The following C16orf96 variants were observed in gnomAD, a reference collection of about 807,000 sequenced individuals.
C16orf96 encodes the protein chromosome 16 open reading frame 96.
A neutral mutation model predicts 103.6 loss-of-function variants in C16orf96; 108 were observed. The observed-to-expected ratio is 1.04, with a 90% CI of 0.89 to 1.22. The LOEUF (loss-of-function observed/expected upper bound fraction) is 1.22, where lower values mean the gene tolerates loss of function less well. C16orf96 is among the 50% of genes most tolerant of loss of function. C16orf96 has a pLI of 0.00. For synonymous variants in C16orf96, 566 were observed against 593.5 expected, an observed-to-expected ratio of 0.95 and a Z score of 0.67; for missense variants, 1,586 against 1,464.2, an observed-to-expected ratio of 1.08 and a Z score of -1.36.
rs2059478044 is a variant in C16orf96 at position 4,574,612 on chromosome 16, C to G, written c.526-97C>G. 1.3e-5 allele frequency: 12 copies of G among 942,598 alleles called. 1 individual carries two copies. In the South Asian group the frequency reaches 1.9e-4, roughly 15 times the overall value. 58.4% of individuals were successfully genotyped at this position (942,598 alleles called of 1,614,324 possible). On this transcript the variant is annotated intron_variant, in intron 2 of 15. Transcript: ENST00000444310. ...GGAAACACTGGATTTGGAACCCGTTCTTCCTTCTCAAGCTCTTAGTCACCT... is the reference window on the plus strand; with the variant it reads ...GGAAACACTGGATTTGGAACCCGTTGTTCCTTCTCAAGCTCTTAGTCACCT...
intron 2 of C16orf96, among the ~76,000 whole-genome samples, chr16:4,573,233 T>A (rs919080175): frequency 1.3e-5 from 2 of 150,942 alleles, no homozygotes; most frequent in Non-Finnish European, 3.0e-5. Flanking sequence ...AGGTCAGGAG[T>A]TCGAGACCAG....
chr16:4,554,219 T>C (rs920274348), upstream of C16orf96, among the ~76,000 whole-genome samples: 2 of 152,118 alleles, frequency 1.3e-5, no homozygotes, highest in Non-Finnish European at 2.9e-5. Flanking sequence ...GCTGAGACCC[T>C]GTTTGAGAGC....
At chr16:4,553,842 A>C (rs1215592507), upstream of C16orf96, among the ~76,000 whole-genome samples, 1 of 152,066 alleles carries the variant, frequency 6.6e-6, no homozygotes, top group Non-Finnish European at 1.5e-5. Context: ...GCCATGTTTT[A>C]TTTCCCCATT....
chr16:4,587,628 ACT>A (rs1896960236), intron 8 of C16orf96, among the ~76,000 whole-genome samples: 1 of 150,398 alleles, frequency 6.6e-6, no homozygotes, highest in Non-Finnish European at 1.5e-5. Context: ...GATTATTAAC[ACT>A]CTACTTGAAA....
At chr16:4,590,075 G>A (rs146805395) in intron 9 of C16orf96, among the ~76,000 whole-genome samples, 137 of 151,246 alleles carry the variant, frequency 9.1e-4, no homozygotes, top group African/African-American at 1.4e-3. Context: ...GTAGTAAGCC[G>A]AGATAGCGCC....
intron 7 of C16orf96, among the ~76,000 whole-genome samples, chr16:4,583,662 C>A (rs1179250225): frequency 6.6e-6 from 1 of 151,944 alleles, no homozygotes; most frequent in African/African-American, 2.4e-5. Flanking sequence ...GTGGCTCACA[C>A]TTGTAATTCC....
rs1408546086 is a variant in C16orf96, at chr16:4,576,494, C to T, written c.2014C>T (p.Gln672Ter). 3.7e-5 allele frequency: 58 copies of T among 1,551,386 alleles called. No homozygotes were observed. The highest frequency in any genetic ancestry group is 4.5e-5 in the Non-Finnish European group (52 of 1,147,024). Residue 672 changes from glutamine (Q) to a stop codon, truncating the protein, a stop_gained, in exon 5 of 16, where the codon CAG becomes TAG. Coordinates refer to ENST00000444310, the MANE Select transcript of C16orf96 (RefSeq NM_001145011.2). LOFTEE classifies it high-confidence loss of function. ...GTCCCAGGCCATGGTGGCTACCAAG[C>T]AGGCCATGAGCCCTGAAGACAAGAA... is the stretch of plus-strand genomic sequence containing the variant. Reference protein sequence around the residue: ...ALSQAMVATKQAMSPEDKKRA... With the variant: ...ALSQAMVATK
At chr16:4,569,247 T>C (rs1164573571) in intron 1 of C16orf96, among the ~76,000 whole-genome samples, 5 of 152,028 alleles carry the variant, frequency 3.3e-5, no homozygotes, top group Non-Finnish European at 7.4e-5. Context: ...GGATTACAGG[T>C]GTGAGCCACC....
chr16:4,549,514 G>A, the C16orf96 span, among the ~76,000 whole-genome samples: 2 of 151,186 alleles, frequency 1.3e-5, no homozygotes, highest in Non-Finnish European at 2.9e-5. Flanking sequence ...TACCAGCTGG[G>A]CACAGTGGCT....
At chr16:4,569,981 G>A (rs779248522) in intron 1 of C16orf96, among the ~76,000 whole-genome samples, 14 of 152,110 alleles carry the variant, frequency 9.2e-5, no homozygotes, top group Non-Finnish European at 1.5e-4. Flanking sequence ...AAGACATCAC[G>A]CTCAAAAGGA....
At chr16:4,555,865 T>C (rs2059258304), upstream of C16orf96, among the ~76,000 whole-genome samples, 2 of 151,522 alleles carry the variant, frequency 1.3e-5, no homozygotes, top group African/African-American at 4.9e-5. Context: ...TCCAGCTAAT[T>C]ACAAATTTTT....
At chr16:4,567,558 C>A (rs1375412683) in intron 1 of C16orf96, among the ~76,000 whole-genome samples, 1 of 151,826 alleles carries the variant, frequency 6.6e-6, no homozygotes, top group Non-Finnish European at 1.5e-5. Context: ...GCTGGGATTA[C>A]AGGTGTGAGC....
At position 4,600,494 on chromosome 16, in the gene C16orf96, C is replaced by CT. The variant is rs1555441340; in HGVS notation, c.*177_*178insT. On this transcript the variant is annotated 3_prime_UTR_variant, in exon 16 of 16. Transcript: ENST00000444310. ...TCCGAGGCTGAGGCTCATGCGCCCCCCCCCATCCCTACCAAGTCCCCTCCA... is the reference window on the plus strand; with the variant it reads ...TCCGAGGCTGAGGCTCATGCGCCCCCTCCCCATCCCTACCAAGTCCCCTCCA... 2.5e-5 allele frequency: 12 copies of CT among 479,410 alleles called. No individual in the cohort carries two copies. The East Asian group carries it at 4.6e-4, about 19-fold the overall frequency. 29.7% of individuals were successfully genotyped at this position (479,410 alleles called of 1,614,324 possible).
At chr16:4,548,240 A>T in the C16orf96 span, among the ~76,000 whole-genome samples, 5 of 152,190 alleles carry the variant, frequency 3.3e-5, no homozygotes, top group South Asian at 1.0e-3. Flanking sequence ...CCTGAATGGC[A>T]TTATTTTCAG....
At chr16:4,577,305 G>A (rs2059524055) in intron 5 of C16orf96, among the ~76,000 whole-genome samples, 1 of 152,330 alleles carries the variant, frequency 6.6e-6, no homozygotes, top group African/African-American at 2.4e-5. Context: ...GCCAAGGCAG[G>A]AAGACTGCTT....
intron 1 of C16orf96, among the ~76,000 whole-genome samples, chr16:4,565,409 AG>A (rs1402355373): frequency 2.0e-5 from 3 of 152,236 alleles, no homozygotes; most frequent in Non-Finnish European, 4.4e-5. Context: ...CATGTGAGAC[AG>A]CAGGTGGGTC....
chr16:4,564,730 G>C (rs1237044103), intron 1 of C16orf96, among the ~76,000 whole-genome samples: 1 of 152,170 alleles, frequency 6.6e-6, no homozygotes, highest in Non-Finnish European at 1.5e-5. Context: ...AGAATCGCTT[G>C]AACCCGAGAG....
intron 5 of C16orf96, among the ~76,000 whole-genome samples, chr16:4,578,622 G>A (rs1641861): frequency 0.026 from 3,996 of 152,132 alleles, 100 homozygotes; most frequent in Middle Eastern, 0.044. Context: ...GCTGGGCGTG[G>A]TGGCGTGTGC....
chr16:4,584,692 A>T (rs1364432959), intron 7 of C16orf96, among the ~76,000 whole-genome samples: 1 of 151,746 alleles, frequency 6.6e-6, no homozygotes, highest in African/African-American at 2.4e-5. Context: ...TTGCCACCAC[A>T]CTCGGCTAAT....
Sources: gnomAD v4.1 joint callset for allele counts (sites outside exome capture counted in the v4.1 genomes callset) on GRCh38, gnomAD v4.1.1 for gene constraint, MANE v1.5 for transcripts, NCBI Gene and HGNC (gene_info 2026-07-23, HGNC 2026-07-21) for gene names.